Variants in CSMD3 observed in about 807,000 individuals in gnomAD.
CSMD3 encodes the protein CUB and sushi domain-containing protein 3.
Under a neutral mutation model 435.2 loss-of-function variants are expected in CSMD3, and 177 were observed. The ratio of observed to expected loss-of-function variants is 0.41; its 90% CI spans 0.36 to 0.46. CSMD3 has a LOEUF of 0.46. CSMD3 is among the 20% of genes least tolerant of loss of function. CSMD3 has a pLI of 0.34. For synonymous variants in CSMD3, 1,656 were observed against 1,520.5 expected (o/e 1.09, Z -2.07); for missense variants, 4,265 against 4,504.6 (o/e 0.95, Z 1.52).
At chr8:112,571,790 A>C (rs1440350930) in intron 24 of CSMD3, among the ~76,000 whole-genome samples, 3 of 151,740 alleles carry the variant, frequency 2.0e-5, no homozygotes, top group Non-Finnish European at 4.4e-5. Context: ...AATTGCTTGA[A>C]CCTGGGAGGG....
intron 61 of CSMD3, among the ~76,000 whole-genome samples, chr8:112,261,885 T>C (rs1816437508): frequency 6.6e-6 from 1 of 152,024 alleles, no homozygotes. Context: ...TGACCATTTT[T>C]CTTGTATTGC....
intron 1 of CSMD3, among the ~76,000 whole-genome samples, chr8:113,410,645 T>A (rs1398767080): frequency 6.6e-6 from 1 of 151,730 alleles, no homozygotes. Flanking sequence ...ATGTTTTTTA[T>A]ACACCTGTAA....
chr8:112,656,557 A>T (rs997493543), intron 17 of CSMD3, among the ~76,000 whole-genome samples: 1 of 152,242 alleles, frequency 6.6e-6, no homozygotes, highest in East Asian at 1.9e-4. Flanking sequence ...TATTATTAAA[A>T]AGTTATGTAT....
intron 32 of CSMD3, among the ~76,000 whole-genome samples, chr8:112,446,587 T>C (rs1304559665): frequency 6.6e-6 from 1 of 152,228 alleles, no homozygotes. Context: ...TTTCTACCTA[T>C]GGCATGAAGG....
At chr8:112,324,894 T>C (rs1823349178) in intron 45 of CSMD3, among the ~76,000 whole-genome samples, 2 of 152,006 alleles carry the variant, frequency 1.3e-5, no homozygotes, top group Admixed American at 1.3e-4. Flanking sequence ...GCAGTGGGTG[T>C]TAAATAAACA....
rs1298203515 is a variant in CSMD3 at position 112,976,031 on chromosome 8, G to GT, written c.1147dup (p.Thr383AsnfsTer7). 3.1e-6 allele frequency: 5 copies of GT among 1,613,908 alleles called. No homozygotes were observed. Among genetic ancestry groups the GT allele is most frequent in the Non-Finnish European group, 4.2e-6 (5 of 1,179,958 alleles). Reference sequence around the variant, plus strand: ...GGAAAGTCTATGGATGGTGACAGCTGTAACACTGGATACAGTAACATCTGC... The same window carrying GT: ...GGAAAGTCTATGGATGGTGACAGCTGTTAACACTGGATACAGTAACATCTGC... On this transcript the variant is annotated frameshift_variant, in exon 7 of 71. Transcript: ENST00000297405. LOFTEE classifies it high-confidence loss of function.
intron 1 of CSMD3, among the ~76,000 whole-genome samples, chr8:113,414,426 T>C (rs774521988): frequency 2.6e-5 from 4 of 152,110 alleles, no homozygotes; most frequent in African/African-American, 4.8e-5. Flanking sequence ...ATTGATCTAG[T>C]CATTCTCAAT....
At chr8:113,377,133 T>C in intron 1 of CSMD3, 3 of 1,257,710 alleles carry the variant, frequency 2.4e-6, no homozygotes, top group South Asian at 1.5e-5. Flanking sequence ...TCTCCGGTCC[T>C]CCAAAGGGCC....
At chr8:112,853,535 C>G (rs896058422) in intron 11 of CSMD3, among the ~76,000 whole-genome samples, 1 of 152,116 alleles carries the variant, frequency 6.6e-6, no homozygotes, top group African/African-American at 2.4e-5. Flanking sequence ...CGTTCATCCA[C>G]TATGTATTCT....
chr8:113,285,553 C>A (rs970033477), intron 2 of CSMD3, among the ~76,000 whole-genome samples: 1 of 152,206 alleles, frequency 6.6e-6, no homozygotes, highest in Non-Finnish European at 1.5e-5. Context: ...GCCACCCCGC[C>A]CCGCCAGTTG....
intron 2 of CSMD3, among the ~76,000 whole-genome samples, chr8:113,294,965 T>C (rs983026026): frequency 6.6e-6 from 1 of 152,182 alleles, no homozygotes; most frequent in Non-Finnish European, 1.5e-5. Context: ...ACACATTTAA[T>C]CCACAAAACA....
chr8:112,496,721 T>A (rs1420131680), intron 30 of CSMD3, among the ~76,000 whole-genome samples: 6 of 152,170 alleles, frequency 3.9e-5, no homozygotes, highest in Non-Finnish European at 8.8e-5. Context: ...TTTTCTTACT[T>A]ATTTGTGGGA....
At chr8:113,102,219 T>C (rs1385592418) in intron 4 of CSMD3, among the ~76,000 whole-genome samples, 11 of 152,152 alleles carry the variant, frequency 7.2e-5, no homozygotes, top group Admixed American at 7.2e-4. Flanking sequence ...CAGCATTTTC[T>C]ATCCAACAAT....
At chr8:113,391,289 T>C (rs1039481173) in intron 1 of CSMD3, among the ~76,000 whole-genome samples, 2 of 152,044 alleles carry the variant, frequency 1.3e-5, no homozygotes, top group African/African-American at 2.4e-5. Context: ...AGTAGTCAGA[T>C]ACTCTAAGTG....
chr8:112,456,089 A>G (rs1054905348), intron 32 of CSMD3, among the ~76,000 whole-genome samples: 7 of 152,166 alleles, frequency 4.6e-5, no homozygotes, highest in African/African-American at 1.7e-4. Context: ...TTTCCTCAGT[A>G]AATGTAAAAC....
At position 113,278,598 on chromosome 8, in the gene CSMD3, A is replaced by G. The variant is rs779928816; in HGVS notation, c.508T>C (p.Tyr170His). 4.0e-6 allele frequency: 6 copies of G among 1,495,462 alleles called. No homozygotes were observed. In the South Asian group the frequency reaches 6.8e-5, roughly 17 times the overall value. 92.6% of individuals were successfully genotyped at this position (1,495,462 alleles called of 1,614,324 possible). A position where few individuals can be genotyped will look rare whatever the true frequency, so the allele number is the denominator to read the frequency against. The part of the protein sequence containing the change: ...AVSAHGFKVY[Y>H]EELQSSSCGN... ...TGCCACTACCATCACTTACCTTCGTAATATACCTTAAATCCATGAGCACTA... is the reference window on the plus strand; with the variant it reads ...TGCCACTACCATCACTTACCTTCGTGATATACCTTAAATCCATGAGCACTA... Residue 170 changes from tyrosine (Y) to histidine (H), a missense_variant, in exon 3 of 71, where the codon TAC becomes CAC. By Grantham distance (83) the Tyr-to-His change is moderately conservative. This residue lies in a region of CSMD3 where 731 missense variants were observed against 755.4 expected (regional missense o/e 0.97). Transcript: ENST00000297405.
chr8:112,738,263 A>T (rs1369132992), intron 13 of CSMD3, among the ~76,000 whole-genome samples: 1 of 151,780 alleles, frequency 6.6e-6, no homozygotes, highest in East Asian at 1.9e-4. Context: ...CATCTCAAAG[A>T]TTGATTAAAT....
At chr8:112,463,596 C>A (rs920398395) in intron 32 of CSMD3, among the ~76,000 whole-genome samples, 1 of 152,168 alleles carries the variant, frequency 6.6e-6, no homozygotes, top group Non-Finnish European at 1.5e-5. Context: ...TACATCAGAT[C>A]TTTTAATAAC....
At chr8:113,142,452 C>T (rs1396597388) in intron 4 of CSMD3, among the ~76,000 whole-genome samples, 2 of 150,710 alleles carry the variant, frequency 1.3e-5, no homozygotes, top group African/African-American at 4.9e-5. Context: ...GTAGGGAATC[C>T]ATCAACAGAC....
Sources: allele counts gnomAD v4.1 joint callset (sites outside exome capture counted in the v4.1 genomes callset), GRCh38; gene constraint gnomAD v4.1.1; regional missense constraint gnomAD v4.1.1; transcripts MANE v1.5; gene names NCBI Gene and HGNC (gene_info 2026-07-23, HGNC 2026-07-21).